FGD4: variants seen among roughly 807,000 people sequenced by gnomAD.
FGD4 encodes the protein FYVE, RhoGEF and PH domain containing 4.
FGD4 carries 42 observed loss-of-function variants against 102.0 expected under a neutral mutation model. The ratio of observed to expected loss-of-function variants is 0.41; its 90% CI spans 0.32 to 0.53. The LOEUF (loss-of-function observed/expected upper bound fraction) is 0.53, where lower values mean the gene tolerates loss of function less well. Ranked by LOEUF, FGD4 falls within the 20% of genes least tolerant of loss-of-function variation. The pLI, the probability that FGD4 is intolerant of heterozygous loss-of-function variation, is 0.21. For synonymous variants in FGD4, 380 were observed against 375.7 expected, an observed-to-expected ratio of 1.01 and a Z score of -0.13; for missense variants, 902 against 1,078.2, an observed-to-expected ratio of 0.84 and a Z score of 2.29.
chr12:32,443,534 G>GTTT (rs1178483915), intron 1 of FGD4, among the ~76,000 whole-genome samples: 25 of 118,342 alleles, frequency 2.1e-4, no homozygotes, highest in South Asian at 6.0e-4. Context: ...TGTGTTTTAG[G>GTTT]TTTTTTTTTT....
intron 1 of FGD4, among the ~76,000 whole-genome samples, chr12:32,526,645 C>G (rs1249941668): frequency 1.3e-5 from 2 of 152,210 alleles, no homozygotes; most frequent in East Asian, 3.8e-4. Context: ...GGTCCCCTTC[C>G]ACACTGTGGG....
chr12:32,518,843 G>A (rs7308649), intron 1 of FGD4, among the ~76,000 whole-genome samples: 9,847 of 151,026 alleles, frequency 0.065, 838 homozygotes, highest in African/African-American at 0.18. Flanking sequence ...GGCCAGGCAC[G>A]GCAGCTCACG....
chr12:32,502,338 G>C lies in FGD4; in HGVS notation c.167-61799G>C, dbSNP rs77113168. 3.2e-3 allele frequency: 3,112 copies of C among 985,358 alleles called. 134 individuals are homozygous for C. The Admixed American group carries it at 0.1, about 32-fold the overall frequency. The allele number at this position is 985,358 out of a possible 1,614,324, so 61.0% of individuals were successfully genotyped here. ...AGAGGAATAAATTCAGCTTTTATAA[G>C]GTAAGTAACCCTAGTAATATGTATC... On this transcript the variant is annotated intron_variant, in intron 1 of 16. Coordinates refer to ENST00000534526, the MANE Select transcript of FGD4 (RefSeq NM_001370298.3).
rs150004168 is a variant in FGD4 at position 32,513,431 on chromosome 12, C to T, written c.167-50706C>T. Among the ~76,000 whole-genome samples, 61 of 152,222 alleles carry T rather than the reference C, an allele frequency of 4.0e-4. No homozygotes were observed. The East Asian group carries it at 0.011, about 28-fold the overall frequency. On this transcript the variant is annotated intron_variant, in intron 1 of 16. Transcript: ENST00000534526. ...AGGTGTGGGACATGATCCAGTGAGCCGTGGAGGGAGCTCTCTGAAATTTTT... is the reference window on the plus strand; with the variant it reads ...AGGTGTGGGACATGATCCAGTGAGCTGTGGAGGGAGCTCTCTGAAATTTTT...
chr12:32,414,782 C>T (rs2728709), intron 1 of FGD4, among the ~76,000 whole-genome samples: 42,435 of 152,026 alleles, frequency 0.28, 6,196 homozygotes, highest in East Asian at 0.47. Flanking sequence ...TTATTCATTT[C>T]AAATGTATTT....
intron 2 of FGD4, among the ~76,000 whole-genome samples, chr12:32,565,493 A>G (rs1052100524): frequency 2.0e-5 from 3 of 152,336 alleles, no homozygotes; most frequent in African/African-American, 7.2e-5. Context: ...CATTTCGCCC[A>G]TTAGACCCGA....
intron 1 of FGD4, among the ~76,000 whole-genome samples, chr12:32,450,192 A>G (rs1565747147): frequency 1.3e-5 from 2 of 151,958 alleles, no homozygotes; most frequent in Non-Finnish European, 2.9e-5. Context: ...CAGCCTCCCA[A>G]ACTGCTGGGA....
chr12:32,571,467 GA>G (rs1195201812), intron 2 of FGD4, among the ~76,000 whole-genome samples: 4 of 150,426 alleles, frequency 2.7e-5, no homozygotes, highest in African/African-American at 7.3e-5. Context: ...AAAAAAAAAA[GA>G]AAAAAAGAGT....
chr12:32,500,548 C>G (rs1248622164), intron 1 of FGD4, among the ~76,000 whole-genome samples: 1 of 152,192 alleles, frequency 6.6e-6, no homozygotes, highest in East Asian at 1.9e-4. Context: ...ATTCTCCTGC[C>G]TCAGCCTCCC....
At chr12:32,495,686 ACT>A (rs1937762949) in intron 1 of FGD4, among the ~76,000 whole-genome samples, 3 of 132,422 alleles carry the variant, frequency 2.3e-5, no homozygotes, top group Admixed American at 1.7e-4. Flanking sequence ...ACAGAGAGAG[ACT>A]CTGTTTCAAA....
chr12:32,403,176 G>A (rs934405022), intron 1 of FGD4, among the ~76,000 whole-genome samples: 13 of 152,140 alleles, frequency 8.5e-5, no homozygotes, highest in African/African-American at 3.1e-4. Context: ...ATTCCATTTA[G>A]CATTGTTATG....
chr12:32,402,420 A>G (rs954782735), intron 1 of FGD4, among the ~76,000 whole-genome samples: 2 of 151,566 alleles, frequency 1.3e-5, no homozygotes, highest in African/African-American at 4.9e-5. Context: ...AGAGGGAGAG[A>G]GAGAGAGAGA....
chr12:32,486,561 C>T (rs1040645210), intron 1 of FGD4, among the ~76,000 whole-genome samples: 2 of 152,146 alleles, frequency 1.3e-5, no homozygotes, highest in Admixed American at 6.5e-5. Context: ...AAGATTTACA[C>T]TTTAGCCAGT....
chr12:32,613,197 T>A (rs1949252386), intron 10 of FGD4, among the ~76,000 whole-genome samples: 1 of 152,206 alleles, frequency 6.6e-6, no homozygotes, highest in African/African-American at 2.4e-5. Flanking sequence ...GGCAGTCATC[T>A]CACCCACCAT....
At chr12:32,451,070 C>T (rs1400578976) in intron 1 of FGD4, among the ~76,000 whole-genome samples, 2 of 152,190 alleles carry the variant, frequency 1.3e-5, no homozygotes, top group African/African-American at 2.4e-5. Flanking sequence ...GACTAGACTT[C>T]GCTTATAATT....
chr12:32,523,703 G>A (rs781104217), intron 1 of FGD4, among the ~76,000 whole-genome samples: 3 of 152,228 alleles, frequency 2.0e-5, no homozygotes, highest in African/African-American at 4.8e-5. Flanking sequence ...GGCCGGGTGC[G>A]GTGGCTCACG....
intron 5 of FGD4, chr12:32,600,391 G>A (rs1470899714): frequency 1.7e-6 from 2 of 1,205,696 alleles, no homozygotes; most frequent in Non-Finnish European, 2.2e-6. Context: ...ATAATTTTTT[G>A]TTCTTTTTGC....
chr12:32,416,578 C>T (rs978709966), intron 1 of FGD4, among the ~76,000 whole-genome samples: 11 of 152,082 alleles, frequency 7.2e-5, no homozygotes, highest in African/African-American at 9.7e-5. Flanking sequence ...AATACTATCT[C>T]GTAACCCATT....
intron 15 of FGD4, among the ~76,000 whole-genome samples, chr12:32,636,464 C>T (rs913393969): frequency 1.3e-5 from 2 of 151,186 alleles, no homozygotes; most frequent in African/African-American, 2.4e-5. Flanking sequence ...ACCTGGGCGG[C>T]GGAGGTGTCA....
Sources: allele counts gnomAD v4.1 joint callset (sites outside exome capture counted in the v4.1 genomes callset), GRCh38; gene constraint gnomAD v4.1.1; transcripts MANE v1.5; gene names NCBI Gene and HGNC (gene_info 2026-07-23, HGNC 2026-07-21).